Variants in ALG13 observed in about 807,000 individuals in gnomAD.
ALG13 encodes the protein UDP-N-acetylglucosamine transferase subunit ALG13.
A neutral mutation model predicts 87.8 loss-of-function variants in ALG13; 11 were observed. That is an observed-to-expected ratio of 0.13 (90% CI 0.08 to 0.21). ALG13 has a LOEUF of 0.21. ALG13 is among the 10% of genes least tolerant of loss of function. The probability of loss-of-function intolerance (pLI) is 1.00; values close to 1 mark genes in which losing one functional copy is unlikely to be tolerated. For synonymous variants in ALG13, 320 were observed against 306.3 expected (o/e 1.04, Z -0.47); for missense variants, 756 against 866.1 (o/e 0.87, Z 1.60).
Position 111,723,887 on chromosome X carries a change from A to G in ALG13, c.1590A>G (p.Glu530=). The change falls in exon 14 of 27, where the codon GAA becomes GAG. Residue 530 remains glutamate, a synonymous_variant. Coordinates refer to ENST00000394780, the MANE Select transcript of ALG13 (RefSeq NM_001099922.3). The part of the protein sequence containing the change: ...ENNSVTVFIE[E]LAEKHVVPLA... Reference sequence around the variant, plus strand: ...ATTCAGTAACAGTCTTCATTGAAGAATTGGCGGAAAAGTAGGAATATGATA... The same window carrying G: ...ATTCAGTAACAGTCTTCATTGAAGAGTTGGCGGAAAAGTAGGAATATGATA... The G allele has an allele frequency of 8.7e-7, 1 of 1,143,008 alleles. No individual in the cohort carries two copies. Among genetic ancestry groups the G allele is most frequent in the African/African-American group, 1.8e-5 (1 of 55,907 alleles). 94.2% of individuals were successfully genotyped at this position (1,143,008 alleles called of 1,213,427 possible).
chrX:111,753,926 A>G (rs1405937011), intron 25 of ALG13, among the ~76,000 whole-genome samples: 1 of 111,939 alleles, frequency 8.9e-6, no homozygotes, highest in African/African-American at 3.3e-5. Flanking sequence ...CATTTTATGA[A>G]GCCAACATCA....
chrX:111,760,308 G>T lies in ALG13; in HGVS notation c.*309G>T, dbSNP rs1160119576. On this transcript the variant is annotated 3_prime_UTR_variant, in exon 27 of 27. Coordinates refer to ENST00000394780, the MANE Select transcript of ALG13 (RefSeq NM_001099922.3). ...AGCTGATGGTACCAATTGATAAAATGAATATAAAGTATTTCATTGGTTCAA... is the reference window on the plus strand; with the variant it reads ...AGCTGATGGTACCAATTGATAAAATTAATATAAAGTATTTCATTGGTTCAA... The T allele has an allele frequency of 2.7e-5, 6 of 222,775 alleles. No homozygotes were observed. The allele number at this position is 222,775 out of a possible 1,213,427, so 18.4% of individuals were successfully genotyped here. A position where few individuals can be genotyped will look rare whatever the true frequency, so the allele number is the denominator to read the frequency against.
chrX:111,757,201 A>T (rs2148509717), intron 25 of ALG13: 1 of 123,119 alleles, frequency 8.1e-6, no homozygotes, highest in South Asian at 3.6e-4. Flanking sequence ...TTTTTTCTTT[A>T]AATATTTGAC....
chrX:111,702,884 A>G (rs1938132319), intron 3 of ALG13, among the ~76,000 whole-genome samples: 1 of 109,548 alleles, frequency 9.1e-6, no homozygotes, highest in Non-Finnish European at 1.9e-5. Context: ...CTTTCATTTG[A>G]TAGCTTGCAA....
At chrX:111,720,245 G>T in intron 11 of ALG13, 75 bp downstream of exon 11, 1 of 680,755 alleles carries the variant, frequency 1.5e-6, no homozygotes, top group Middle Eastern at 3.8e-4. Context: ...GTTAAAGTCA[G>T]ATATTATATT....
chrX:111,750,656 CTTATTTAT>C (rs767738920), intron 24 of ALG13, among the ~76,000 whole-genome samples: 65 of 108,817 alleles, frequency 6.0e-4, no homozygotes, highest in East Asian at 1.1e-3. Context: ...TGTTTATTTA[CTTATTTAT>C]TTATTTATTT....
At chrX:111,759,093 G>A (rs1454922037) in intron 26 of ALG13, among the ~76,000 whole-genome samples, 1 of 108,424 alleles carries the variant, frequency 9.2e-6, no homozygotes, top group South Asian at 4.0e-4. Context: ...AGTTAACTAT[G>A]AGGCAGTGGC....
At chrX:111,684,884 T>G in intron 2 of ALG13, 81 bp from the exon 3 acceptor site, 1 of 1,004,709 alleles carries the variant, frequency 1.0e-6, no homozygotes, top group Admixed American at 3.2e-5. Flanking sequence ...GTTTTTTAAC[T>G]TTTGATTTCT....
chrX:111,708,135 G>C lies in ALG13; in HGVS notation c.492G>C (p.Leu164=). 1 of 1,211,672 alleles carries C rather than the reference G, an allele frequency of 8.3e-7. No individual in the cohort carries two copies. The highest frequency in any genetic ancestry group is 1.1e-6 in the Non-Finnish European group (1 of 895,452). ...STAFSGLDFG[L]LSGYLHKQAL... is the part of the protein sequence containing the mutation. ...CCTTTTCAGGCCTAGACTTTGGGCTGCTTTCCGGATACCTGCATAAGCAAG... is the reference window on the plus strand; with the variant it reads ...CCTTTTCAGGCCTAGACTTTGGGCTCCTTTCCGGATACCTGCATAAGCAAG... Residue 164 remains leucine (L), a synonymous_variant, in exon 4 of 27, where the codon CTG becomes CTC. Transcript: ENST00000394780.
At chrX:111,702,260 G>A (rs1569514452) in intron 3 of ALG13, among the ~76,000 whole-genome samples, 1 of 111,645 alleles carries the variant, frequency 9.0e-6, no homozygotes, top group African/African-American at 3.3e-5. Context: ...ATTGTTGAAA[G>A]AGGGGTAATG....
chrX:111,746,255 G>A (rs1341167474), intron 24 of ALG13, among the ~76,000 whole-genome samples: 1 of 111,847 alleles, frequency 8.9e-6, no homozygotes, highest in Non-Finnish European at 1.9e-5. Flanking sequence ...ATGCACTTGT[G>A]TAACCCAAAT....
At chrX:111,757,123 T>C (rs1216644263) in intron 25 of ALG13, among the ~76,000 whole-genome samples, 1 of 112,114 alleles carries the variant, frequency 8.9e-6, no homozygotes, top group African/African-American at 3.2e-5. Flanking sequence ...TATATTTTCT[T>C]ACAATTTTGT....
intron 8 of ALG13, chrX:111,717,087 C>G (rs1369658174): frequency 2.7e-5 from 3 of 110,745 alleles, no homozygotes; most frequent in Non-Finnish European, 3.8e-5. Flanking sequence ...TAGGCACACA[C>G]CATCCCACCT....
intron 1 of ALG13, chrX:111,681,520 T>G: frequency 1.0e-6 from 1 of 988,872 alleles, no homozygotes; most frequent in Non-Finnish European, 1.3e-6. Flanking sequence ...CTTCCCATTA[T>G]TCCGGCCGCT....
chrX:111,696,022 A>C (rs776702235), intron 3 of ALG13, among the ~76,000 whole-genome samples: 1 of 111,841 alleles, frequency 8.9e-6, no homozygotes, highest in African/African-American at 3.2e-5. Context: ...AAAATAATTG[A>C]AGTAAGTTAT....
chrX:111,730,897 G>A (rs1335170726), intron 21 of ALG13, among the ~76,000 whole-genome samples: 1 of 112,063 alleles, frequency 8.9e-6, no homozygotes, highest in African/African-American at 3.2e-5. Flanking sequence ...GTCTGTAGAA[G>A]GGCTTGCTCA....
intron 3 of ALG13, among the ~76,000 whole-genome samples, chrX:111,693,705 G>T (rs1936540099): frequency 9.0e-6 from 1 of 111,659 alleles, no homozygotes; most frequent in Non-Finnish European, 1.9e-5. Flanking sequence ...ATTGACACTT[G>T]TATCATAGCT....
intron 5 of ALG13, among the ~76,000 whole-genome samples, chrX:111,709,380 A>G (rs1476185037): frequency 8.9e-6 from 1 of 112,639 alleles, no homozygotes; most frequent in Non-Finnish European, 1.9e-5. Flanking sequence ...ATAATAGTTC[A>G]TGAAAGGTTT....
At chrX:111,717,555 T>G (rs927772190) in intron 8 of ALG13, among the ~76,000 whole-genome samples, 1 of 108,230 alleles carries the variant, frequency 9.2e-6, no homozygotes, top group Non-Finnish European at 1.9e-5. Context: ...TTTTTTTTTT[T>G]TTTTTAGCAA....
Sources: gnomAD v4.1 joint callset for allele counts (sites outside exome capture counted in the v4.1 genomes callset) on GRCh38, gnomAD v4.1.1 for gene constraint, MANE v1.5 for transcripts, NCBI Gene and HGNC (gene_info 2026-07-23, HGNC 2026-07-21) for gene names.